Variants in PLA2G12A observed in about 807,000 individuals in gnomAD.
PLA2G12A encodes group XIIA secretory phospholipase A2.
PLA2G12A carries 11 observed loss-of-function variants against 16.0 expected under a neutral mutation model. The ratio of observed to expected loss-of-function variants is 0.69; its 90% CI spans 0.43 to 1.13. The LOEUF is 1.13. Ranked by LOEUF, PLA2G12A falls within the 50% of genes most tolerant of loss-of-function variation. PLA2G12A has a pLI of 0.00. For missense variants in PLA2G12A, 214 were observed against 237.3 expected, an observed-to-expected ratio of 0.90 and a Z score of 0.65; for synonymous variants, 77 against 93.8, an observed-to-expected ratio of 0.82 and a Z score of 1.03.
chr4:109,722,969 T>C (rs1722837061), intron 1 of PLA2G12A, among the ~76,000 whole-genome samples: 1 of 152,216 alleles, frequency 6.6e-6, no homozygotes, highest in Admixed American at 6.5e-5. Flanking sequence ...AAATGGAGAT[T>C]ATCCGTTAAG....
chr4:109,718,261 T>C (rs1579123592), intron 2 of PLA2G12A, among the ~76,000 whole-genome samples: 1 of 152,214 alleles, frequency 6.6e-6, no homozygotes, highest in South Asian at 2.1e-4. Flanking sequence ...ATACACAAAA[T>C]CCTTGTGTCT....
intron 1 of PLA2G12A, among the ~76,000 whole-genome samples, chr4:109,721,571 C>T (rs1022507233): frequency 1.6e-4 from 24 of 152,146 alleles, no homozygotes; most frequent in Non-Finnish European, 2.5e-4. Flanking sequence ...CCACCCGCCT[C>T]GGCCTCCCAA....
Position 109,710,845 on chromosome 4 carries a change from T to C in PLA2G12A, c.*3532A>G, listed in dbSNP as rs1730712728. The C allele has an allele frequency of 6.6e-6, 1 of 152,206 alleles. No individual in the cohort carries two copies. The highest frequency in any genetic ancestry group is 1.5e-5 in the Non-Finnish European group (1 of 68,044). The allele number at this position is 152,206 out of a possible 1,614,324, so 9.4% of individuals were successfully genotyped here. On this transcript the variant is annotated 3_prime_UTR_variant, in exon 4 of 4. Transcript: ENST00000243501. ...GAAAGGCTACCTGTGAGGATGCGTT[T>C]AATTAGCTTTTGCCCTTATATCTCA...
At chr4:109,727,230 C>T (rs577963919) in intron 1 of PLA2G12A, among the ~76,000 whole-genome samples, 4 of 152,036 alleles carry the variant, frequency 2.6e-5, no homozygotes, top group Non-Finnish European at 2.9e-5. Flanking sequence ...CCTACCTCAG[C>T]CTCCCAAGTA....
chr4:109,714,962 T>C (rs1390026030), intron 3 of PLA2G12A, among the ~76,000 whole-genome samples: 1 of 126,334 alleles, frequency 7.9e-6, no homozygotes, highest in Non-Finnish European at 1.7e-5. Context: ...GCTATTTTTG[T>C]TTGTTTGTTT....
chr4:109,729,327 G>C (rs575086936), intron 1 of PLA2G12A, among the ~76,000 whole-genome samples: 1 of 150,066 alleles, frequency 6.7e-6, no homozygotes, highest in Non-Finnish European at 1.5e-5. Context: ...GTGCAATTGA[G>C]GGGGGGAAAA....
At chr4:109,715,181 T>G (rs1429504709) in intron 3 of PLA2G12A, among the ~76,000 whole-genome samples, 1 of 152,180 alleles carries the variant, frequency 6.6e-6, no homozygotes, top group Non-Finnish European at 1.5e-5. Context: ...AACTTTCTTT[T>G]TATTTGAAAA....
chr4:109,729,682 T>C lies in PLA2G12A; in HGVS notation c.128A>G (p.His43Arg), dbSNP rs200639232. 3.4e-5 allele frequency: 55 copies of C among 1,611,666 alleles called. No individual in the cohort carries two copies. The highest frequency in any genetic ancestry group is 2.3e-4 in the Middle Eastern group (1 of 4,428). ...ATLKTIRNGV[H>R]KIDTYLNAAL... is the part of the protein sequence containing the mutation. ...GGCGTTCAGGTACGTGTCTATCTTATGAACGCCGTTCCGGATGGTCTTCAG... is the reference window on the plus strand; with the variant it reads ...GGCGTTCAGGTACGTGTCTATCTTACGAACGCCGTTCCGGATGGTCTTCAG... The change falls in exon 1 of 4, where the codon CAT becomes CGT. Residue 43 changes from histidine (H) to arginine (R), a missense_variant. His to Arg is a conservative substitution (Grantham distance 29). Coordinates refer to ENST00000243501, the MANE Select transcript of PLA2G12A (RefSeq NM_030821.5).
At chr4:109,722,697 T>G (rs368644163) in intron 1 of PLA2G12A, among the ~76,000 whole-genome samples, 4 of 152,350 alleles carry the variant, frequency 2.6e-5, no homozygotes, top group African/African-American at 9.6e-5. Context: ...CTGAACAGAC[T>G]AAGACATTCA....
rs956547915 is a variant in PLA2G12A at position 109,714,416 on chromosome 4, G to A, written c.531C>T (p.Ala177=). ...TTTCTTCATAATGACACCTGCATGCGGCTCGTTGGCTGTCCAGATATGGTT... is the reference window on the plus strand; with the variant it reads ...TTTCTTCATAATGACACCTGCATGCAGCTCGTTGGCTGTCCAGATATGGTT... ...GCKPYLDSQR[A]ACRCHYEEKT... Residue 177 remains alanine, a synonymous_variant, in exon 4 of 4, where the codon GCC becomes GCT. Coordinates refer to ENST00000243501, the MANE Select transcript of PLA2G12A (RefSeq NM_030821.5). 69 of 1,613,802 alleles carry A rather than the reference G, an allele frequency of 4.3e-5. No individual in the cohort carries two copies. The highest frequency in any genetic ancestry group is 3.3e-4 in the Middle Eastern group (2 of 6,060).
intron 1 of PLA2G12A, among the ~76,000 whole-genome samples, chr4:109,720,590 AAAAAAAAAAAAAAAATATATATATATAT>A (rs1180865918): frequency 4.2e-4 from 21 of 49,584 alleles, no homozygotes; most frequent in Admixed American, 1.4e-3. Context: ...AAAAAAAAAA[AAAAAAAAAAAAAAAATATATATATATAT>A]ATATATATAT....
In PLA2G12A at chr4:109,710,235, AAT is replaced by A. The variant is rs1730697042; in HGVS notation, c.*4140_*4141del. On this transcript the variant is annotated 3_prime_UTR_variant, in exon 4 of 4. Transcript: ENST00000243501. The stretch of plus-strand genomic sequence containing the variant: ...TAGTGTATGTGGAAAGATCTTGCCT[AAT>A]AAGTTTCATTCTACTCCTCAAAGTT... 6.6e-6 allele frequency: 1 copy of A among 152,216 alleles called. No individual in the cohort carries two copies. Among genetic ancestry groups the A allele is most frequent in the South Asian group, 2.1e-4 (1 of 4,824 alleles). The allele number at this position is 152,216 out of a possible 1,614,324, so 9.4% of individuals were successfully genotyped here.
chr4:109,720,117 C>T (rs1244367620), intron 1 of PLA2G12A, among the ~76,000 whole-genome samples: 1 of 152,156 alleles, frequency 6.6e-6, no homozygotes, highest in Non-Finnish European at 1.5e-5. Flanking sequence ...TTAAGTTCTA[C>T]CTATAAACAA....
chr4:109,710,292 ATTG>A lies in PLA2G12A; in HGVS notation c.*4082_*4084del, dbSNP rs1464552526. 1 of 152,192 alleles carries A rather than the reference ATTG, an allele frequency of 6.6e-6. No individual in the cohort carries two copies. The highest frequency in any genetic ancestry group is 2.4e-5 in the African/African-American group (1 of 41,436). 9.4% of individuals were successfully genotyped at this position (152,192 alleles called of 1,614,324 possible). A position where few individuals can be genotyped will look rare whatever the true frequency, so the allele number is the denominator to read the frequency against. ...AAGTCAGTCAACTATTAATAACAGAATTGTTTTTATAGAAAGATTCCATCTTCT... is the reference window on the plus strand; with the variant it reads ...AAGTCAGTCAACTATTAATAACAGAATTTTTATAGAAAGATTCCATCTTCT... On this transcript the variant is annotated 3_prime_UTR_variant, in exon 4 of 4. Coordinates refer to ENST00000243501, the MANE Select transcript of PLA2G12A (RefSeq NM_030821.5).
intron 1 of PLA2G12A, among the ~76,000 whole-genome samples, chr4:109,721,374 T>C (rs1265578295): frequency 6.7e-6 from 1 of 150,050 alleles, no homozygotes; most frequent in East Asian, 2.0e-4. Context: ...CAAGCTGGAG[T>C]GCAATGGCGC....
rs894007133 is a variant in PLA2G12A, at chr4:109,713,626, T to G, written c.*751A>C. ...CAAAGGTTATAGCAAAAGATGACATTTGTCATGTGAGTAGCTCATAAAATG... is the reference window on the plus strand; with the variant it reads ...CAAAGGTTATAGCAAAAGATGACATGTGTCATGTGAGTAGCTCATAAAATG... On this transcript the variant is annotated 3_prime_UTR_variant, in exon 4 of 4. Coordinates refer to ENST00000243501, the MANE Select transcript of PLA2G12A (RefSeq NM_030821.5). The G allele has an allele frequency of 7.2e-5, 11 of 152,250 alleles. No individual in the cohort carries two copies. The East Asian group carries it at 2.1e-3, about 29-fold the overall frequency. 9.4% of individuals were successfully genotyped at this position (152,250 alleles called of 1,614,324 possible). A position where few individuals can be genotyped will look rare whatever the true frequency, so the allele number is the denominator to read the frequency against.
chr4:109,722,209 TCTTC>T (rs1186871099), intron 1 of PLA2G12A, among the ~76,000 whole-genome samples: 1 of 152,238 alleles, frequency 6.6e-6, no homozygotes, highest in Non-Finnish European at 1.5e-5. Flanking sequence ...TCCTAGTCTC[TCTTC>T]CTTTCTTCCT....
At chr4:109,719,323 G>A (rs78053672) in intron 1 of PLA2G12A, among the ~76,000 whole-genome samples, 4 of 151,956 alleles carry the variant, frequency 2.6e-5, no homozygotes, top group Non-Finnish European at 5.9e-5. Context: ...ACAAGACCAC[G>A]CATTCTGCCT....
chr4:109,711,052 C>CTTTTTTTTTT lies in PLA2G12A; in HGVS notation c.*3324_*3325insAAAAAAAAAA, dbSNP rs1561268629. 2 of 97,404 alleles carry CTTTTTTTTTT rather than the reference C, an allele frequency of 2.1e-5. No individual in the cohort carries two copies. Among genetic ancestry groups the CTTTTTTTTTT allele is most frequent in the African/African-American group, 1.0e-4 (2 of 19,658 alleles). The allele number at this position is 97,404 out of a possible 1,614,324, so 6.0% of individuals were successfully genotyped here. A position where few individuals can be genotyped will look rare whatever the true frequency, so the allele number is the denominator to read the frequency against. ...AAGAGCTGCTGACAGTTAGTTCTTG[C>CTTTTTTTTTT]CTTTTTTTTTTTTTTTTTTTTTTTG... On this transcript the variant is annotated 3_prime_UTR_variant, in exon 4 of 4. Coordinates refer to ENST00000243501, the MANE Select transcript of PLA2G12A (RefSeq NM_030821.5).
Sources: allele counts gnomAD v4.1 joint callset (sites outside exome capture counted in the v4.1 genomes callset), GRCh38; gene constraint gnomAD v4.1.1; transcripts MANE v1.5; gene names NCBI Gene and HGNC (gene_info 2026-07-23, HGNC 2026-07-21).